The following ANKS1A variants were observed in gnomAD, a reference collection of about 807,000 sequenced individuals.
The protein encoded by ANKS1A is ankyrin repeat and sterile alpha motif domain containing 1A.
In ANKS1A, 55 loss-of-function variants were observed where a neutral mutation model predicts 120.3. The observed-to-expected ratio is 0.46, with a 90% CI of 0.37 to 0.57. The LOEUF (loss-of-function observed/expected upper bound fraction) is 0.57. ANKS1A is among the 20% of genes least tolerant of loss of function. The pLI, the probability that ANKS1A is intolerant of heterozygous loss-of-function variation, is 0.00. For missense variants in ANKS1A, 1,123 were observed against 1,480.3 expected (o/e 0.76, Z 3.96); for synonymous variants, 590 against 604.7 (o/e 0.98, Z 0.36).
chr6:35,072,669 A>G (rs1777140303), intron 13 of ANKS1A, among the ~76,000 whole-genome samples: 1 of 152,190 alleles, frequency 6.6e-6, no homozygotes, highest in Non-Finnish European at 1.5e-5. Flanking sequence ...TAAGAATTGG[A>G]TTCTGTACAG....
intron 1 of ANKS1A, among the ~76,000 whole-genome samples, chr6:34,935,644 G>A (rs1028791885): frequency 1.3e-5 from 2 of 152,172 alleles, no homozygotes; most frequent in East Asian, 3.8e-4. Context: ...GCTAAAGGCC[G>A]AGTGGATAAA....
chr6:35,005,699 A>C (rs1223558983), intron 10 of ANKS1A: 1 of 438,108 alleles, frequency 2.3e-6, no homozygotes, highest in Non-Finnish European at 4.5e-6. Context: ...ATTTTTTTAA[A>C]GATTTCTGAC....
chr6:34,896,449 G>A (rs1767088672), intron 1 of ANKS1A, among the ~76,000 whole-genome samples: 1 of 150,326 alleles, frequency 6.7e-6, no homozygotes, highest in African/African-American at 2.4e-5. Context: ...TGGAATTGCT[G>A]TACTTACATT....
intron 2 of ANKS1A, among the ~76,000 whole-genome samples, chr6:34,968,297 A>G (rs924256977): frequency 2.0e-5 from 3 of 152,204 alleles, no homozygotes; most frequent in South Asian, 4.1e-4. Context: ...GTTGCCCAGC[A>G]AAGGGGCAGG....
intron 11 of ANKS1A, among the ~76,000 whole-genome samples, chr6:35,025,882 G>A (rs551202679): frequency 6.8e-4 from 104 of 152,072 alleles, no homozygotes; most frequent in Non-Finnish European, 9.3e-4. Context: ...CACACCCACC[G>A]CCAGCCCCAG....
intron 13 of ANKS1A, among the ~76,000 whole-genome samples, chr6:35,069,326 C>T (rs1470067337): frequency 6.6e-6 from 1 of 151,914 alleles, no homozygotes; most frequent in Non-Finnish European, 1.5e-5. Flanking sequence ...GTCCCTTGTC[C>T]CTGCCCCATC....
At chr6:34,971,586 A>G (rs1036229958) in intron 3 of ANKS1A, among the ~76,000 whole-genome samples, 12 of 152,082 alleles carry the variant, frequency 7.9e-5, no homozygotes, top group Admixed American at 2.0e-4. Flanking sequence ...GCTTAGGACT[A>G]TTTTTCTAAT....
intron 1 of ANKS1A, among the ~76,000 whole-genome samples, chr6:34,916,512 A>G (rs1326398742): frequency 6.6e-6 from 1 of 152,220 alleles, no homozygotes; most frequent in Non-Finnish European, 1.5e-5. Flanking sequence ...TAAAGCCTCT[A>G]TTTTAAGAAG....
At chr6:34,983,566 G>A in intron 7 of ANKS1A, 141 bp downstream of exon 7, 1 of 721,512 alleles carries the variant, frequency 1.4e-6, no homozygotes. Context: ...TTCATTTTTT[G>A]CCAACTACTA....
intron 1 of ANKS1A, among the ~76,000 whole-genome samples, chr6:34,941,576 T>G (rs916239565): frequency 4.6e-4 from 70 of 152,160 alleles, no homozygotes; most frequent in African/African-American, 1.7e-3. Context: ...CCAAACTGAA[T>G]ACATTTTGAC....
intron 1 of ANKS1A, among the ~76,000 whole-genome samples, chr6:34,908,798 G>A (rs765994310): frequency 1.6e-4 from 25 of 151,878 alleles, no homozygotes; most frequent in Non-Finnish European, 2.9e-4. Context: ...CAGAGTCACC[G>A]TTTTAAGTAT....
intron 10 of ANKS1A, among the ~76,000 whole-genome samples, chr6:35,009,496 A>G (rs1291524934): frequency 6.6e-6 from 1 of 152,196 alleles, no homozygotes; most frequent in African/African-American, 2.4e-5. Flanking sequence ...GGTACCAGAG[A>G]ACATCCAAGT....
intron 1 of ANKS1A, among the ~76,000 whole-genome samples, chr6:34,900,986 AGAAAATTCTCAT>A (rs1375213580): frequency 6.6e-6 from 1 of 152,178 alleles, no homozygotes; most frequent in African/African-American, 2.4e-5. Context: ...TCGGACTTCT[AGAAAATTCTCAT>A]CTCATGTAGG....
rs115554928 is a variant in ANKS1A, at chr6:35,047,149, G to T, written c.2011-6950G>T. On this transcript the variant is annotated intron_variant, in intron 11 of 23. Transcript: ENST00000360359. Reference sequence around the variant, plus strand: ...AGTGGTAAACTGCAGGAAATCTCAAGGCAGCTGATGGATCCTGATAGTGTA... The same window carrying T: ...AGTGGTAAACTGCAGGAAATCTCAATGCAGCTGATGGATCCTGATAGTGTA... 2.2e-3 allele frequency among the ~76,000 whole-genome samples: 328 copies of T among 152,306 alleles called. 1 individual carries two copies. Among genetic ancestry groups the T allele is most frequent in the Non-Finnish European group, 1.6e-3 (111 of 68,032 alleles).
chr6:35,025,062 GAGTAGTCAC>G (rs1173288556), intron 11 of ANKS1A, among the ~76,000 whole-genome samples: 1 of 152,054 alleles, frequency 6.6e-6, no homozygotes, highest in Non-Finnish European at 1.5e-5. Context: ...CAAGTATACA[GAGTAGTCAC>G]AACTGTTATC....
chr6:34,962,604 G>A (rs1770694223), intron 1 of ANKS1A, among the ~76,000 whole-genome samples: 1 of 151,858 alleles, frequency 6.6e-6, no homozygotes, highest in Non-Finnish European at 1.5e-5. Context: ...TGGCTAACAT[G>A]GTGAAACCCC....
chr6:35,072,503 C>G (rs1581736706), intron 13 of ANKS1A, among the ~76,000 whole-genome samples: 1 of 152,368 alleles, frequency 6.6e-6, no homozygotes, highest in East Asian at 1.9e-4. Context: ...ACAAACCCAG[C>G]CCCTTACTGA....
chr6:35,003,515 G>A (rs2127545908), intron 10 of ANKS1A, among the ~76,000 whole-genome samples: 1 of 152,312 alleles, frequency 6.6e-6, no homozygotes, highest in African/African-American at 2.4e-5. Flanking sequence ...TGGCACATGT[G>A]CCCGTACAAG....
intron 13 of ANKS1A, chr6:35,070,942 A>G (rs1581733940): frequency 1.6e-6 from 1 of 625,096 alleles, no homozygotes; most frequent in Admixed American, 1.9e-5. Context: ...TAACTACTAC[A>G]CAACTGCAAC....
Sources: allele counts gnomAD v4.1 joint callset (sites outside exome capture counted in the v4.1 genomes callset), GRCh38; gene constraint gnomAD v4.1.1; transcripts MANE v1.5; gene names NCBI Gene and HGNC (gene_info 2026-07-23, HGNC 2026-07-21).